Variants in CSF2RA observed in about 807,000 individuals in gnomAD.
CSF2RA encodes the protein colony stimulating factor 2 receptor subunit alpha, also known as granulocyte-macrophage colony-stimulating factor receptor subunit alpha.
In CSF2RA, 42 loss-of-function variants were observed where a neutral mutation model predicts 51.6. The observed-to-expected ratio is 0.81, with a 90% CI of 0.64 to 1.05. CSF2RA has a LOEUF of 1.05. Among genes scored for constraint, CSF2RA ranks in the 50% least tolerant of loss-of-function variants. The probability of loss-of-function intolerance (pLI) is 0.00; values close to 1 mark genes in which losing one functional copy is unlikely to be tolerated. For missense variants in CSF2RA, 530 were observed against 501.1 expected (o/e 1.06, Z -0.55); for synonymous variants, 222 against 193.0 (o/e 1.15, Z -1.24).
intron 7 of CSF2RA, among the ~76,000 whole-genome samples, chrX:1,291,576 AT>A (rs1262876596): frequency 6.6e-6 from 1 of 151,602 alleles, no homozygotes; most frequent in African/African-American, 2.4e-5. Context: ...GGACTCCTTC[AT>A]CCCGTTGGAC....
chrX:1,276,213 C>CA (rs2089174019), intron 2 of CSF2RA, among the ~76,000 whole-genome samples: 1 of 148,038 alleles, frequency 6.8e-6, no homozygotes, highest in Non-Finnish European at 1.5e-5. Context: ...TTTTGTTTTT[C>CA]AGTAGACACA....
At chrX:1,284,650 C>A (rs1233664389) in intron 3 of CSF2RA, among the ~76,000 whole-genome samples, 2 of 126,670 alleles carry the variant, frequency 1.6e-5, no homozygotes, top group African/African-American at 5.9e-5. Flanking sequence ...GTTGCCAAGA[C>A]TAGTTTTTGA....
intron 2 of CSF2RA, among the ~76,000 whole-genome samples, chrX:1,279,944 C>T (rs1160054802): frequency 6.6e-5 from 10 of 151,994 alleles, no homozygotes; most frequent in East Asian, 2.0e-4. Context: ...CACCCACCAC[C>T]CCACCCGGCT....
At chrX:1,301,090 T>C (rs2092335261) in intron 10 of CSF2RA, among the ~76,000 whole-genome samples, 1 of 148,316 alleles carries the variant, frequency 6.7e-6, no homozygotes, top group African/African-American at 2.5e-5. Flanking sequence ...GAGGCGGAGG[T>C]TGCACTGAGC....
At chrX:1,306,384 C>T (rs1389974680) in intron 12 of CSF2RA, among the ~76,000 whole-genome samples, 2 of 151,690 alleles carry the variant, frequency 1.3e-5, no homozygotes, top group Admixed American at 6.6e-5. Flanking sequence ...CGGTGACTCA[C>T]ATCTGTCATC....
At chrX:1,322,672 A>G in the CSF2RA span, among the ~76,000 whole-genome samples, 2 of 151,886 alleles carry the variant, frequency 1.3e-5, no homozygotes, top group South Asian at 2.1e-4. Context: ...CAACAATCAC[A>G]CAATGGACAG....
downstream of CSF2RA, among the ~76,000 whole-genome samples, chrX:1,314,849 T>C (rs373603422): frequency 0.059 from 733 of 12,332 alleles, 25 homozygotes; most frequent in Middle Eastern, 0.083. Flanking sequence ...ACCTGCCCAA[T>C]CCCACTGCAC....
Position 1,295,474 on chromosome X carries a change from C to T in CSF2RA, c.810+18C>T. On this transcript the variant is annotated intron_variant, in intron 9 of 12. Transcript: ENST00000381529. ...ACCTACTGGTAAGTGAAACCACAGA[C>T]CCTACTGACAACCCTCAGCGTAACC... 6.2e-7 allele frequency: 1 copy of T among 1,613,370 alleles called. No homozygotes were observed. The highest frequency in any genetic ancestry group is 1.1e-5 in the South Asian group (1 of 91,080).
intron 2 of CSF2RA, among the ~76,000 whole-genome samples, chrX:1,277,455 G>C (rs1253585828): frequency 1.3e-5 from 2 of 150,472 alleles, no homozygotes; most frequent in Non-Finnish European, 3.0e-5. Flanking sequence ...AATTAGCCAG[G>C]TGTGGTGGTG....
chrX:1,286,022 C>G, intron 4 of CSF2RA, 102 bp downstream of exon 4: 2 of 1,415,150 alleles, frequency 1.4e-6, no homozygotes, highest in Non-Finnish European at 2.0e-6. Context: ...CCTGTCATCC[C>G]AGCACTTTGG....
chrX:1,309,284 C>G, intron 12 of CSF2RA, 118 bp from the exon 13 acceptor site: 1 of 1,090,108 alleles, frequency 9.2e-7, no homozygotes, highest in Non-Finnish European at 1.4e-6. Flanking sequence ...CACTGCACTC[C>G]AGCCTGGGCA....
chrX:1,305,859 T>G, intron 12 of CSF2RA: 2 of 1,412,090 alleles, frequency 1.4e-6, no homozygotes, highest in Non-Finnish European at 2.0e-6. Flanking sequence ...GGCATGTGGA[T>G]CATCTGAGGT....
Position 1,275,395 on chromosome X carries a change from A to G in CSF2RA, c.-27+577A>G, listed in dbSNP as rs190889969. 3.9e-3 allele frequency among the ~76,000 whole-genome samples: 590 copies of G among 151,920 alleles called. 3 individuals are homozygous for G. Among genetic ancestry groups the G allele is most frequent in the African/African-American group, 0.013 (559 of 41,464 alleles). On this transcript the variant is annotated intron_variant, in intron 2 of 12. Transcript: ENST00000381529. ...AACAGAGCGACAGTCCGTCCCAAAC[A>G]CTGCAAAATATTTAAAGAGATTTAT...
At position 1,305,699 on chromosome X, in the gene CSF2RA, G is replaced by T. The variant is rs1212180960; in HGVS notation, c.1125+172G>T. On this transcript the variant is annotated intron_variant, in intron 12 of 12. Transcript: ENST00000381529. ...CTCCTGGGCCTTCTCCCGGGTCGGG[G>T]TCTTCTCCAAGGTTGGGGTCAGAGT... The T allele has an allele frequency of 6.4e-6, 10 of 1,561,346 alleles. No homozygotes were observed. The highest frequency in any genetic ancestry group is 8.7e-6 in the Non-Finnish European group (10 of 1,152,094).
At chrX:1,288,478 G>C (rs376787746) in intron 4 of CSF2RA, 41 bp from the exon 5 acceptor site, 33 of 1,613,412 alleles carry the variant, frequency 2.0e-5, no homozygotes, top group African/African-American at 2.7e-5. Context: ...GGAGACAGAA[G>C]GTTGTTTCCT....
At chrX:1,314,593 C>T (rs111289658), downstream of CSF2RA, among the ~76,000 whole-genome samples, 1 of 31,226 alleles carries the variant, frequency 3.2e-5, no homozygotes, top group African/African-American at 1.1e-4. Flanking sequence ...CCCCACTGCA[C>T]CTGCCCAACC....
intron 7 of CSF2RA, among the ~76,000 whole-genome samples, chrX:1,293,695 A>G (rs1269981690): frequency 6.8e-6 from 1 of 146,148 alleles, no homozygotes; most frequent in Non-Finnish European, 1.5e-5. Flanking sequence ...ATGGGAGGAG[A>G]CCCTGCCCCA....
chrX:1,323,858 C>CAAA, the CSF2RA span, among the ~76,000 whole-genome samples: 2 of 151,318 alleles, frequency 1.3e-5, no homozygotes, highest in Non-Finnish European at 2.9e-5. Flanking sequence ...AATAAAAATA[C>CAAA]AAAAAATTAG....
chrX:1,320,044 C>T, the CSF2RA span, among the ~76,000 whole-genome samples: 7 of 151,146 alleles, frequency 4.6e-5, no homozygotes, highest in South Asian at 4.2e-4. Flanking sequence ...TACAGGTGCC[C>T]GCCACCACGC....
Sources: gnomAD v4.1 joint callset for allele counts (sites outside exome capture counted in the v4.1 genomes callset) on GRCh38, gnomAD v4.1.1 for gene constraint, MANE v1.5 for transcripts, NCBI Gene and HGNC (gene_info 2026-07-23, HGNC 2026-07-21) for gene names.